PHC2: variants seen among roughly 807,000 people sequenced by gnomAD.
PHC2 encodes polyhomeotic-like protein 2.
In PHC2, 29 loss-of-function variants were observed where a neutral mutation model predicts 87.4. The ratio of observed to expected loss-of-function variants is 0.33; its 90% CI spans 0.25 to 0.45. The LOEUF (loss-of-function observed/expected upper bound fraction) is 0.45, where lower values mean the gene tolerates loss of function less well. Among genes scored for constraint, PHC2 ranks in the 20% least tolerant of loss-of-function variants. The pLI is 1.00. For missense variants in PHC2, 857 were observed against 1,136.7 expected (o/e 0.75, Z 3.54); for synonymous variants, 438 against 461.7 (o/e 0.95, Z 0.66).
At chr1:33,395,918 A>C (rs1649274262) in intron 1 of PHC2, among the ~76,000 whole-genome samples, 1 of 152,216 alleles carries the variant, frequency 6.6e-6, no homozygotes, top group Admixed American at 6.5e-5. Context: ...TTGAAACAAG[A>C]CTTCCTAGTA....
intron 12 of PHC2, among the ~76,000 whole-genome samples, chr1:33,330,456 GATA>G (rs1646465779): frequency 6.6e-6 from 1 of 152,222 alleles, no homozygotes; most frequent in Non-Finnish European, 1.5e-5. Context: ...TACAACATGA[GATA>G]ATGTCTGTAA....
In PHC2 at chr1:33,349,537, G is replaced by A. The variant is rs1646917535; in HGVS notation, c.1558+4864C>T. ...GAGGGCGGTGCCCGACTTCCAGTGC[G>A]GCGAGCGCGGCCCCCGGCCTCCCTA... On this transcript the variant is annotated intron_variant, in intron 9 of 14. Coordinates refer to ENST00000683057, the MANE Select transcript of PHC2 (RefSeq NM_001385109.1). The surrounding 1 kb of genome is among the most constrained non-coding windows in gnomAD (Gnocchi z 4.2). 2.0e-6 allele frequency: 2 copies of A among 982,596 alleles called. No homozygotes were observed. The highest frequency in any genetic ancestry group is 6.2e-5 in the Admixed American group (1 of 16,236). 60.9% of individuals were successfully genotyped at this position (982,596 alleles called of 1,614,324 possible).
At chr1:33,390,193 G>T (rs889835316) in intron 1 of PHC2, among the ~76,000 whole-genome samples, 4 of 152,102 alleles carry the variant, frequency 2.6e-5, no homozygotes, top group Non-Finnish European at 4.4e-5. Context: ...ATCACTAGGG[G>T]CTCTTTTAAC....
At chr1:33,390,292 C>A (rs1648984090) in intron 1 of PHC2, among the ~76,000 whole-genome samples, 1 of 152,172 alleles carries the variant, frequency 6.6e-6, no homozygotes, top group South Asian at 2.1e-4. Flanking sequence ...TTTAACTTAT[C>A]CATTTATGGA....
At chr1:33,350,158 C>T (rs1646941671) in intron 9 of PHC2, among the ~76,000 whole-genome samples, 1 of 151,960 alleles carries the variant, frequency 6.6e-6, no homozygotes, top group African/African-American at 2.4e-5. Context: ...CCGCGACTCC[C>T]GCCTTGGACC....
At chr1:33,365,190 T>C (rs1389206655) in intron 7 of PHC2, among the ~76,000 whole-genome samples, 1 of 152,108 alleles carries the variant, frequency 6.6e-6, no homozygotes, top group Admixed American at 6.5e-5. Context: ...ATCTGTAAAA[T>C]GGATAAAGAC....
chr1:33,330,148 C>T lies in PHC2; in HGVS notation c.2071G>A (p.Ala691Thr). Residue 691 changes from alanine (A) to threonine (T), a missense_variant, in exon 13 of 15, where the codon GCA becomes ACA. Around this residue, in one of 3 missense-constraint regions of PHC2, gnomAD observed 832 missense variants for 1,081.8 expected, o/e 0.77. Transcript: ENST00000683057. ...CGGCGGTTGTGGGTCGCAGCTCCTG[C>T]CTTCTGCAGCTTGCTCCGGTCTGAG... ...FHSDRSKLQK[A>T]GAATHNRRRA... The T allele has an allele frequency of 6.2e-7, 1 of 1,614,236 alleles. No individual in the cohort carries two copies. Among genetic ancestry groups the T allele is most frequent in the Non-Finnish European group, 8.5e-7 (1 of 1,180,040 alleles).
chr1:33,404,276 A>C (rs867560997), intron 1 of PHC2, among the ~76,000 whole-genome samples: 2 of 152,306 alleles, frequency 1.3e-5, no homozygotes, highest in Middle Eastern at 6.8e-3. Flanking sequence ...GAATAAAATA[A>C]CTCACTTTCT....
chr1:33,356,276 T>TATATATATATAC (rs1557831073), intron 7 of PHC2, among the ~76,000 whole-genome samples: 3 of 59,470 alleles, frequency 5.0e-5, no homozygotes, highest in Admixed American at 1.4e-4. Flanking sequence ...TATATATATA[T>TATATATATATAC]GTATATATAT....
chr1:33,374,250 T>C (rs549903205), intron 2 of PHC2, among the ~76,000 whole-genome samples: 5 of 152,244 alleles, frequency 3.3e-5, no homozygotes, highest in African/African-American at 1.2e-4. Context: ...TGGTTCTGCA[T>C]GCAACCTTGG....
At position 33,368,680 on chromosome 1, in the gene PHC2, T is replaced by C; in HGVS notation, c.577-58A>G. On this transcript the variant is annotated intron_variant, in intron 5 of 14. Transcript: ENST00000683057. The surrounding 1 kb of genome is among the most constrained non-coding windows in gnomAD (Gnocchi z 6.6). ...TCCTAGCTACCTGCACCAGGTTACC[T>C]GGCTGGGCCTGGAATCACAGGAAAC... The C allele has an allele frequency of 7.8e-7, 1 of 1,274,108 alleles. No homozygotes were observed. The highest frequency in any genetic ancestry group is 1.5e-5 in the African/African-American group (1 of 67,948). The allele number at this position is 1,274,108 out of a possible 1,614,324, so 78.9% of individuals were successfully genotyped here. A position where few individuals can be genotyped will look rare whatever the true frequency, so the allele number is the denominator to read the frequency against.
chr1:33,325,456 G>A (rs1234916528), intron 14 of PHC2: 1 of 194,094 alleles, frequency 5.2e-6, no homozygotes, highest in African/African-American at 2.4e-5. Context: ...AGGCCCTGGT[G>A]GTCCCCGGCC....
intron 14 of PHC2, among the ~76,000 whole-genome samples, chr1:33,328,530 G>C (rs7513847): frequency 1.3e-5 from 2 of 149,958 alleles, no homozygotes; most frequent in African/African-American, 4.9e-5. Context: ...TCTTAATTTT[G>C]ATGTTCCTGA....
intron 7 of PHC2, among the ~76,000 whole-genome samples, chr1:33,361,838 C>G (rs113227498): frequency 6.6e-6 from 1 of 152,132 alleles, no homozygotes. Flanking sequence ...GGTGATGGAG[C>G]GTGGGAATGA....
rs61591207 is a variant in PHC2 at position 33,416,584 on chromosome 1, G to GAAAA, written c.-55+14388_-55+14391dup. Among the ~76,000 whole-genome samples, 9 of 115,822 alleles carry GAAAA rather than the reference G, an allele frequency of 7.8e-5. No individual in the cohort carries two copies. The South Asian group carries it at 8.5e-4, about 11-fold the overall frequency. 76.0% of individuals were successfully genotyped at this position (115,822 alleles called of 152,430 possible). On this transcript the variant is annotated intron_variant, in intron 1 of 14. Transcript: ENST00000683057. ...GAGTGAGATTCTGTCTCAAAAAAAA[G>GAAAA]AAAAAAAAAAAAAAAAAAAGAATTA... is the stretch of plus-strand genomic sequence containing the variant.
chr1:33,402,805 A>T lies in PHC2; in HGVS notation c.-54-27212T>A, dbSNP rs1038028576. Among the ~76,000 whole-genome samples the T allele has an allele frequency of 1.3e-5, 2 of 151,538 alleles. 1 individual carries two copies. Among genetic ancestry groups the T allele is most frequent in the Admixed American group, 1.3e-4 (2 of 15,174 alleles). Reference sequence around the variant, plus strand: ...GTTTAGGAAGTCACTCATATGTTGTAAAACTATAAAAGAAAAGCAAGGGAA... The same window carrying T: ...GTTTAGGAAGTCACTCATATGTTGTTAAACTATAAAAGAAAAGCAAGGGAA... On this transcript the variant is annotated intron_variant, in intron 1 of 14. Coordinates refer to ENST00000683057, the MANE Select transcript of PHC2 (RefSeq NM_001385109.1).
chr1:33,414,808 A>C (rs547201326), intron 1 of PHC2, among the ~76,000 whole-genome samples: 2 of 152,376 alleles, frequency 1.3e-5, no homozygotes, highest in Non-Finnish European at 2.9e-5. Flanking sequence ...TTCACAAGCC[A>C]TATTTTAAAT....
rs113848904 is a variant in PHC2, at chr1:33,386,256, G to A, written c.-54-10663C>T. Among the ~76,000 whole-genome samples the A allele has an allele frequency of 5.4e-3, 825 of 151,534 alleles. 12 individuals are homozygous for A. The highest frequency in any genetic ancestry group is 0.019 in the African/African-American group (786 of 41,336). On this transcript the variant is annotated intron_variant, in intron 1 of 14. Coordinates refer to ENST00000683057, the MANE Select transcript of PHC2 (RefSeq NM_001385109.1). ...CCCCTGGCTGAGTGCGGTGGCTTAC[G>A]CTTGTAATCCCAGCACTTTGGGAGG...
chr1:33,373,007 G>T (rs1447497963), intron 2 of PHC2, among the ~76,000 whole-genome samples: 1 of 152,192 alleles, frequency 6.6e-6, no homozygotes, highest in African/African-American at 2.4e-5. Flanking sequence ...ACTTGGGGCT[G>T]CTCCCCAGCT....
Sources: gnomAD v4.1 joint callset for allele counts (sites outside exome capture counted in the v4.1 genomes callset) on GRCh38, gnomAD v4.1.1 for gene constraint, gnomAD v4.1.1 regional missense constraint, Gnocchi (gnomAD v3.1) non-coding constraint, MANE v1.5 for transcripts, NCBI Gene and HGNC (gene_info 2026-07-23, HGNC 2026-07-21) for gene names.